Variants in PKIA observed in about 807,000 individuals in gnomAD.
PKIA encodes the protein PKI-alpha.
Under a neutral mutation model 7.6 loss-of-function variants are expected in PKIA, and 4 were observed. That is an observed-to-expected ratio of 0.52 (90% confidence interval 0.26 to 1.20). PKIA has a LOEUF of 1.20. Ranked by LOEUF, PKIA falls within the 50% of genes most tolerant of loss-of-function variation. The probability of loss-of-function intolerance (pLI) is 0.13; values close to 1 mark genes in which losing one functional copy is unlikely to be tolerated. For synonymous variants in PKIA, 21 were observed against 30.7 expected (o/e 0.68, Z 1.04); for missense variants, 73 against 86.2 (o/e 0.85, Z 0.61).
chr8:78,535,082 A>T (rs1806487990), intron 1 of PKIA: 1 of 152,208 alleles, frequency 6.6e-6, no homozygotes. Flanking sequence ...GCATTTTGAC[A>T]TGTTAGGACA....
chr8:78,588,828 A>G (rs2130242041), intron 2 of PKIA, among the ~76,000 whole-genome samples: 1 of 151,974 alleles, frequency 6.6e-6, no homozygotes, highest in East Asian at 1.9e-4. Flanking sequence ...AAAGCGATGA[A>G]TGTCTTAAAG....
intron 1 of PKIA, among the ~76,000 whole-genome samples, chr8:78,533,234 A>G (rs889586786): frequency 5.9e-5 from 9 of 152,170 alleles, no homozygotes. Flanking sequence ...TGCCCTTGCC[A>G]TAACTCTGAA....
intron 1 of PKIA, among the ~76,000 whole-genome samples, chr8:78,551,234 T>C (rs936459632): frequency 6.6e-6 from 1 of 152,100 alleles, no homozygotes; most frequent in Non-Finnish European, 1.5e-5. Context: ...ATCAGAGACA[T>C]GTTCCTGGAG....
At chr8:78,526,063 C>T (rs548340269) in intron 1 of PKIA, among the ~76,000 whole-genome samples, 1 of 152,102 alleles carries the variant, frequency 6.6e-6, no homozygotes, top group Non-Finnish European at 1.5e-5. Context: ...CCATTTTTAT[C>T]ATTTTTATTT....
chr8:78,589,658 C>A (rs1808045489), intron 2 of PKIA, among the ~76,000 whole-genome samples: 1 of 152,108 alleles, frequency 6.6e-6, no homozygotes. Flanking sequence ...CTGAACTCTC[C>A]TAGTGATCTA....
chr8:78,549,278 A>G (rs1806916518), intron 1 of PKIA, among the ~76,000 whole-genome samples: 1 of 152,100 alleles, frequency 6.6e-6, no homozygotes, highest in South Asian at 2.1e-4. Flanking sequence ...CATGATGTAT[A>G]TAATGTAAGT....
chr8:78,598,089 T>C (rs140043503), intron 2 of PKIA, among the ~76,000 whole-genome samples: 2 of 147,956 alleles, frequency 1.4e-5, no homozygotes, highest in Admixed American at 6.8e-5. Flanking sequence ...TTATTAATAA[T>C]AATTAATATT....
intron 2 of PKIA, among the ~76,000 whole-genome samples, chr8:78,581,565 T>C (rs987467255): frequency 2.1e-4 from 32 of 152,082 alleles, no homozygotes; most frequent in African/African-American, 7.2e-4. Flanking sequence ...AGAATAGAGC[T>C]TCACTGTGAT....
intron 2 of PKIA, among the ~76,000 whole-genome samples, chr8:78,579,745 C>T (rs1807762479): frequency 6.6e-6 from 1 of 152,056 alleles, no homozygotes; most frequent in South Asian, 2.1e-4. Context: ...ATGTGAGTTA[C>T]ACCATGGCTT....
intron 2 of PKIA, among the ~76,000 whole-genome samples, chr8:78,583,892 A>G (rs538263986): frequency 2.0e-5 from 3 of 152,148 alleles, no homozygotes; most frequent in South Asian, 4.1e-4. Flanking sequence ...GAAATTTGCA[A>G]CCTCTGGCAT....
At chr8:78,529,643 A>G (rs1232741696) in intron 1 of PKIA, among the ~76,000 whole-genome samples, 3 of 152,094 alleles carry the variant, frequency 2.0e-5, no homozygotes, top group African/African-American at 7.2e-5. Flanking sequence ...AACTTTGAAT[A>G]TATTTAGATT....
intron 2 of PKIA, among the ~76,000 whole-genome samples, chr8:78,592,457 T>C (rs1428922385): frequency 6.6e-6 from 1 of 152,160 alleles, no homozygotes; most frequent in African/African-American, 2.4e-5. Flanking sequence ...ACTTTAAAGG[T>C]TCAGAATTGG....
intron 1 of PKIA, among the ~76,000 whole-genome samples, chr8:78,566,043 G>A (rs1019551996): frequency 3.9e-5 from 6 of 151,958 alleles, no homozygotes; most frequent in African/African-American, 1.4e-4. Context: ...TGGTAAAAGA[G>A]ATGAGAAAAC....
At chr8:78,561,348 A>G (rs1158368435) in intron 1 of PKIA, among the ~76,000 whole-genome samples, 2 of 152,222 alleles carry the variant, frequency 1.3e-5, no homozygotes, top group Non-Finnish European at 2.9e-5. Flanking sequence ...ATCGTGACAC[A>G]GATATAATTT....
At chr8:78,589,702 AT>A (rs1052534221) in intron 2 of PKIA, among the ~76,000 whole-genome samples, 1 of 152,138 alleles carries the variant, frequency 6.6e-6, no homozygotes, top group South Asian at 2.1e-4. Context: ...CACAATTAGT[AT>A]TTTTTTAGTT....
intron 1 of PKIA, among the ~76,000 whole-genome samples, chr8:78,517,404 T>TA (rs1387767458): frequency 2.0e-5 from 3 of 152,200 alleles, no homozygotes; most frequent in African/African-American, 7.2e-5. Context: ...TAGGCATAGG[T>TA]AGAAGTAAAA....
At chr8:78,557,584 A>G (rs1320121642) in intron 1 of PKIA, among the ~76,000 whole-genome samples, 4 of 152,234 alleles carry the variant, frequency 2.6e-5, no homozygotes, top group African/African-American at 9.6e-5. Context: ...GAAATGGCTG[A>G]AAGATTAATT....
At chr8:78,596,752 T>G (rs1808234809) in intron 2 of PKIA, among the ~76,000 whole-genome samples, 1 of 152,222 alleles carries the variant, frequency 6.6e-6, no homozygotes, top group African/African-American at 2.4e-5. Flanking sequence ...AGGGCCTATG[T>G]CCAGAAAAAT....
intron 1 of PKIA, among the ~76,000 whole-genome samples, chr8:78,543,926 C>G (rs1172148768): frequency 6.6e-6 from 1 of 152,092 alleles, no homozygotes; most frequent in Non-Finnish European, 1.5e-5. Flanking sequence ...TCCAATTTCC[C>G]TAATCATAGG....
Sources: gnomAD v4.1 joint callset for allele counts (sites outside exome capture counted in the v4.1 genomes callset) on GRCh38, gnomAD v4.1.1 for gene constraint, MANE v1.5 for transcripts, NCBI Gene and HGNC (gene_info 2026-07-23, HGNC 2026-07-21) for gene names.